ATP9B: variants seen among roughly 807,000 people sequenced by gnomAD.
ATP9B encodes ATPase phospholipid transporting 9B.
In ATP9B, 110 loss-of-function variants were observed where a neutral mutation model predicts 146.1. The observed-to-expected ratio is 0.75, with a 90% CI of 0.65 to 0.88. The LOEUF is 0.88. ATP9B is among the 40% of genes least tolerant of loss of function. ATP9B has a pLI of 0.00. For missense variants in ATP9B, 1,499 were observed against 1,496.4 expected, an observed-to-expected ratio of 1.00 and a Z score of -0.03; for synonymous variants, 604 against 569.7, an observed-to-expected ratio of 1.06 and a Z score of -0.86.
Position 79,329,376 on chromosome 18 carries a change from C to T in ATP9B, c.1935+74C>T, listed in dbSNP as rs1256281021. On this transcript the variant is annotated intron_variant, in intron 16 of 29. Transcript: ENST00000426216. ...TCACACCTTTTAAACACAGATTTTC[C>T]CAAAAGAAAGTTAAACATTTACTCA... The T allele has an allele frequency of 2.8e-6, 4 of 1,419,218 alleles. No individual in the cohort carries two copies. The Admixed American group carries it at 7.8e-5, about 28-fold the overall frequency. The allele number at this position is 1,419,218 out of a possible 1,614,324, so 87.9% of individuals were successfully genotyped here. A position where few individuals can be genotyped will look rare whatever the true frequency, so the allele number is the denominator to read the frequency against.
At position 79,359,382 on chromosome 18, in the gene ATP9B, G is replaced by A; in HGVS notation, c.2932G>A (p.Val978Met). ...TGCCACCATATACACCATGTTCCCA[G>A]TGTTCTCCTTAGTGCTGGACCAGGA... The part of the protein sequence containing the change: ...GYATIYTMFP[V>M]FSLVLDQDVK... Residue 978 changes from valine (V) to methionine (M), a missense_variant, in exon 26 of 30, where the codon GTG (valine) becomes ATG (methionine). Coordinates refer to ENST00000426216, the MANE Select transcript of ATP9B (RefSeq NM_198531.5). The A allele has an allele frequency of 6.2e-7, 1 of 1,613,922 alleles. No individual in the cohort carries two copies. The highest frequency in any genetic ancestry group is 8.5e-7 in the Non-Finnish European group (1 of 1,179,830).
chr18:79,197,923 G>C (rs531166152), intron 9 of ATP9B, among the ~76,000 whole-genome samples: 3 of 152,090 alleles, frequency 2.0e-5, no homozygotes, highest in Non-Finnish European at 4.4e-5. Flanking sequence ...TATAGAATAA[G>C]GACATGTAGT....
At chr18:79,214,974 C>G (rs1464257405) in intron 11 of ATP9B, among the ~76,000 whole-genome samples, 1 of 151,374 alleles carries the variant, frequency 6.6e-6, no homozygotes, top group Non-Finnish European at 1.5e-5. Flanking sequence ...ATGGTGAAAC[C>G]CTGTCTCTAC....
intron 26 of ATP9B, among the ~76,000 whole-genome samples, chr18:79,366,229 G>A (rs2097027746): frequency 6.6e-6 from 1 of 152,230 alleles, no homozygotes; most frequent in African/African-American, 2.4e-5. Flanking sequence ...TGTGGAAGCT[G>A]CTCTGTCTGG....
intron 26 of ATP9B, among the ~76,000 whole-genome samples, chr18:79,368,100 C>A (rs551014857): frequency 6.6e-6 from 1 of 151,748 alleles, no homozygotes; most frequent in Admixed American, 6.6e-5. Flanking sequence ...AGCTGGACGG[C>A]GCCGTGGCCC....
chr18:79,235,577 C>T (rs1324798610), intron 11 of ATP9B, among the ~76,000 whole-genome samples: 7 of 152,124 alleles, frequency 4.6e-5, no homozygotes, highest in Non-Finnish European at 7.3e-5. Flanking sequence ...AAAGTGCACA[C>T]GTTTTAAAAC....
chr18:79,256,280 T>TATATATATATAC (rs1555791823), intron 12 of ATP9B, among the ~76,000 whole-genome samples: 7 of 129,160 alleles, frequency 5.4e-5, no homozygotes, highest in Non-Finnish European at 1.2e-4. Context: ...TATATATATA[T>TATATATATATAC]ATATATACAT....
chr18:79,350,475 C>T (rs926326862), intron 25 of ATP9B, among the ~76,000 whole-genome samples: 1 of 152,112 alleles, frequency 6.6e-6, no homozygotes, highest in African/African-American at 2.4e-5. Flanking sequence ...CTCCCTCAGC[C>T]CCAGTATGAG....
At chr18:79,119,808 A>T (rs917627553) in intron 4 of ATP9B, among the ~76,000 whole-genome samples, 1 of 152,220 alleles carries the variant, frequency 6.6e-6, no homozygotes, top group Non-Finnish European at 1.5e-5. Flanking sequence ...GTTTATATGC[A>T]TCTTAACCTT....
At chr18:79,129,305 G>A (rs2094338843) in intron 5 of ATP9B, among the ~76,000 whole-genome samples, 2 of 152,128 alleles carry the variant, frequency 1.3e-5, no homozygotes, top group Admixed American at 6.5e-5. Flanking sequence ...TTTTGGAAGC[G>A]ACATGCAAGC....
Position 79,320,542 on chromosome 18 carries a change from C to T in ATP9B, c.1774-8599C>T, listed in dbSNP as rs188710958. The stretch of plus-strand genomic sequence containing the variant: ...TCTAACAAATGTATTTGTCACTGAG[C>T]TAGCTGCCGTCAGTCTCCATAACTG... On this transcript the variant is annotated intron_variant, in intron 15 of 29. Coordinates refer to ENST00000426216, the MANE Select transcript of ATP9B (RefSeq NM_198531.5). Among the ~76,000 whole-genome samples the T allele has an allele frequency of 2.6e-5, 4 of 152,360 alleles. No homozygotes were observed. In the East Asian group the frequency reaches 7.7e-4, roughly 29 times the overall value.
At chr18:79,284,826 T>A (rs960553615) in intron 13 of ATP9B, among the ~76,000 whole-genome samples, 1 of 138,572 alleles carries the variant, frequency 7.2e-6, no homozygotes, top group African/African-American at 2.6e-5. Flanking sequence ...CGTGTCCGTG[T>A]GTTCTCATTG....
chr18:79,264,817 A>G (rs2096185077), intron 12 of ATP9B, among the ~76,000 whole-genome samples: 1 of 152,164 alleles, frequency 6.6e-6, no homozygotes, highest in South Asian at 2.1e-4. Flanking sequence ...TTGTATACAC[A>G]TGGGCCTGTT....
chr18:79,368,527 A>G (rs1374082357), intron 26 of ATP9B, among the ~76,000 whole-genome samples: 1 of 151,992 alleles, frequency 6.6e-6, no homozygotes, highest in East Asian at 1.9e-4. Context: ...TTAGGTGCAC[A>G]CTCTCTGCTT....
chr18:79,292,867 C>T (rs529405788), intron 13 of ATP9B, among the ~76,000 whole-genome samples: 12 of 152,116 alleles, frequency 7.9e-5, no homozygotes, highest in Non-Finnish European at 1.3e-4. Flanking sequence ...AAGTGATCCT[C>T]GTGCCTCAGC....
At chr18:79,234,182 T>C (rs1431400066) in intron 11 of ATP9B, among the ~76,000 whole-genome samples, 1 of 152,132 alleles carries the variant, frequency 6.6e-6, no homozygotes, top group Non-Finnish European at 1.5e-5. Flanking sequence ...ACTGGGGGAA[T>C]ATAGAGGGCA....
chr18:79,084,935 A>G (rs2073658292), intron 1 of ATP9B, among the ~76,000 whole-genome samples: 1 of 151,914 alleles, frequency 6.6e-6, no homozygotes, highest in Admixed American at 6.6e-5. Flanking sequence ...ATTAGATGTG[A>G]TTTGAGTATG....
At chr18:79,224,687 C>A (rs1455110142) in intron 11 of ATP9B, among the ~76,000 whole-genome samples, 15 of 152,186 alleles carry the variant, frequency 9.9e-5, no homozygotes, top group Non-Finnish European at 1.5e-5. Flanking sequence ...ATTGTCGCTG[C>A]CAATGTCTGT....
intron 11 of ATP9B, among the ~76,000 whole-genome samples, chr18:79,245,548 TGAGGAGG>T (rs2095936804): frequency 6.6e-6 from 1 of 151,476 alleles, no homozygotes; most frequent in African/African-American, 2.4e-5. Flanking sequence ...CCCTACTGAC[TGAGGAGG>T]GCACCGCCCT....
Sources: gnomAD v4.1 joint callset for allele counts (sites outside exome capture counted in the v4.1 genomes callset) on GRCh38, gnomAD v4.1.1 for gene constraint, MANE v1.5 for transcripts, NCBI Gene and HGNC (gene_info 2026-07-23, HGNC 2026-07-21) for gene names.